The following IL1RAPL2 variants were observed in gnomAD, a reference collection of about 807,000 sequenced individuals.
IL1RAPL2 encodes interleukin 1 receptor accessory protein like 2, also known as X-linked interleukin-1 receptor accessory protein-like 2.
A neutral mutation model predicts 44.1 loss-of-function variants in IL1RAPL2; 3 were observed. The observed-to-expected ratio is 0.07, with a 90% CI of 0.03 to 0.18. The LOEUF is 0.18. Ranked by LOEUF, IL1RAPL2 falls within the 10% of genes least tolerant of loss-of-function variation. The pLI is 1.00. For missense variants in IL1RAPL2, 391 were observed against 496.4 expected, an observed-to-expected ratio of 0.79 and a Z score of 2.02; for synonymous variants, 181 against 178.8, an observed-to-expected ratio of 1.01 and a Z score of -0.10.
chrX:105,318,912 A>G (rs1045469664), intron 5 of IL1RAPL2, among the ~76,000 whole-genome samples: 3 of 112,367 alleles, frequency 2.7e-5, no homozygotes, highest in Non-Finnish European at 5.6e-5. Context: ...ATCGCCTTCA[A>G]TGCAATACAA....
chrX:105,246,289 T>G (rs1443752849), intron 4 of IL1RAPL2, among the ~76,000 whole-genome samples: 1 of 112,164 alleles, frequency 8.9e-6, no homozygotes, highest in Non-Finnish European at 1.9e-5. Context: ...CAGCTAATAT[T>G]TTCATGGTAC....
intron 5 of IL1RAPL2, among the ~76,000 whole-genome samples, chrX:105,426,337 A>C (rs1041332723): frequency 8.1e-5 from 9 of 110,571 alleles, no homozygotes; most frequent in Admixed American, 5.8e-4. Context: ...CTCCTCTCAC[A>C]CACTATATTC....
chrX:104,726,521 T>C (rs960588298), intron 2 of IL1RAPL2, among the ~76,000 whole-genome samples: 17 of 111,831 alleles, frequency 1.5e-4, no homozygotes, highest in African/African-American at 5.5e-4. Flanking sequence ...GGGCATGGAA[T>C]GTTTTTCCAT....
intron 6 of IL1RAPL2, among the ~76,000 whole-genome samples, chrX:105,629,684 C>A (rs1387351211): frequency 8.9e-6 from 1 of 111,867 alleles, no homozygotes; most frequent in Non-Finnish European, 1.9e-5. Context: ...ACACATGCAT[C>A]ATACACACAC....
At chrX:105,423,816 C>T (rs1023869613) in intron 5 of IL1RAPL2, among the ~76,000 whole-genome samples, 1 of 108,726 alleles carries the variant, frequency 9.2e-6, no homozygotes, top group African/African-American at 3.4e-5. Flanking sequence ...GAGTTACCTA[C>T]CTTCCATCAT....
At chrX:105,494,948 G>A (rs1386526396) in intron 6 of IL1RAPL2, among the ~76,000 whole-genome samples, 1 of 112,195 alleles carries the variant, frequency 8.9e-6, no homozygotes, top group East Asian at 2.8e-4. Context: ...GTAGTAACTT[G>A]GAGTTTGGAA....
chrX:104,649,068 G>C (rs1452274319), intron 1 of IL1RAPL2, among the ~76,000 whole-genome samples: 1 of 110,001 alleles, frequency 9.1e-6, no homozygotes, highest in East Asian at 2.9e-4. Context: ...TTCTCTCTCT[G>C]CTTCTTCATG....
At chrX:105,183,935 A>T (rs2033559239) in intron 2 of IL1RAPL2, among the ~76,000 whole-genome samples, 1 of 111,291 alleles carries the variant, frequency 9.0e-6, no homozygotes, top group African/African-American at 3.3e-5. Flanking sequence ...GATGTCTGGG[A>T]TCCAGGATTA....
chrX:105,242,253 A>T (rs1417827924), intron 4 of IL1RAPL2, among the ~76,000 whole-genome samples: 1 of 112,465 alleles, frequency 8.9e-6, no homozygotes, highest in East Asian at 2.8e-4. Context: ...TTTAGACCAA[A>T]TGTCTTTATT....
intron 6 of IL1RAPL2, among the ~76,000 whole-genome samples, chrX:105,509,578 G>A (rs756801950): frequency 1.1e-4 from 12 of 111,775 alleles, no homozygotes; most frequent in Non-Finnish European, 2.3e-4. Context: ...ATATATGTAT[G>A]CTAGGTCCTT....
rs186072057 is a variant in IL1RAPL2, at chrX:105,065,774, G to A, written c.83-129701G>A. Among the ~76,000 whole-genome samples the A allele has an allele frequency of 1.1e-4, 12 of 112,011 alleles. No individual in the cohort carries two copies. The East Asian group carries it at 1.7e-3, about 16-fold the overall frequency. ...ATGTAATTGTTGTTTTGCAAGTTCC[G>A]CTGAGTAAGACCTACTGCATAGAAG... On this transcript the variant is annotated intron_variant, in intron 2 of 10. Transcript: ENST00000372582.
At chrX:105,596,417 T>C (rs567986954) in intron 6 of IL1RAPL2, among the ~76,000 whole-genome samples, 1 of 111,154 alleles carries the variant, frequency 9.0e-6, no homozygotes, top group South Asian at 3.7e-4. Context: ...TTTTTGACCA[T>C]TGGTTGTTCA....
intron 2 of IL1RAPL2, among the ~76,000 whole-genome samples, chrX:104,906,214 T>C (rs1219699458): frequency 9.0e-6 from 1 of 111,475 alleles, no homozygotes; most frequent in Non-Finnish European, 1.9e-5. Context: ...GCTGAGACAA[T>C]GGGGTTTTGT....
chrX:104,640,143 C>A (rs1929904648), intron 1 of IL1RAPL2, among the ~76,000 whole-genome samples: 1 of 110,939 alleles, frequency 9.0e-6, no homozygotes, highest in South Asian at 3.8e-4. Context: ...TTGTTGTATC[C>A]CATATGTCAT....
chrX:105,430,255 A>G (rs747381622), intron 5 of IL1RAPL2, among the ~76,000 whole-genome samples: 235 of 111,597 alleles, frequency 2.1e-3, no homozygotes, highest in Non-Finnish European at 3.5e-3. Context: ...CTGCCATTTC[A>G]ATTCACAACA....
chrX:105,077,064 G>T lies in IL1RAPL2; in HGVS notation c.83-118411G>T, dbSNP rs760731220. 5.4e-5 allele frequency among the ~76,000 whole-genome samples: 6 copies of T among 111,169 alleles called. No homozygotes were observed. The South Asian group carries it at 2.3e-3, about 43-fold the overall frequency. ...TTACATTTAAGGTTAATATTGTTAT[G>T]TGTGAATTTGATCCTGTCATTATGA... On this transcript the variant is annotated intron_variant, in intron 2 of 10. Coordinates refer to ENST00000372582, the MANE Select transcript of IL1RAPL2 (RefSeq NM_017416.2).
chrX:105,487,203 AG>A (rs780765227), intron 6 of IL1RAPL2, among the ~76,000 whole-genome samples: 4 of 111,086 alleles, frequency 3.6e-5, no homozygotes, highest in Admixed American at 2.9e-4. Flanking sequence ...CTCTGCTATT[AG>A]GCACACAACA....
chrX:105,283,226 G>C (rs1012890380), intron 5 of IL1RAPL2, among the ~76,000 whole-genome samples: 12 of 111,327 alleles, frequency 1.1e-4, no homozygotes, highest in African/African-American at 3.9e-4. Flanking sequence ...ATAATGAGAG[G>C]GGGGAGAATA....
At chrX:105,693,154 TG>T (rs761620312) in intron 6 of IL1RAPL2, among the ~76,000 whole-genome samples, 2 of 111,968 alleles carry the variant, frequency 1.8e-5, no homozygotes, top group East Asian at 5.7e-4. Flanking sequence ...AAGGTGTTCA[TG>T]TCCTAATCCC....
Sources: gnomAD v4.1 joint callset for allele counts (sites outside exome capture counted in the v4.1 genomes callset) on GRCh38, gnomAD v4.1.1 for gene constraint, MANE v1.5 for transcripts, NCBI Gene and HGNC (gene_info 2026-07-23, HGNC 2026-07-21) for gene names.